Variants in RPP40 observed in about 807,000 individuals in gnomAD.
RPP40 encodes ribonuclease P/MRP subunit p40.
A neutral mutation model predicts 42.5 loss-of-function variants in RPP40; 30 were observed. The observed-to-expected ratio is 0.71, with a 90% CI of 0.53 to 0.96. RPP40 has a LOEUF of 0.96. Ranked by LOEUF, RPP40 falls within the 40% of genes least tolerant of loss-of-function variation. The pLI, the probability that RPP40 is intolerant of heterozygous loss-of-function variation, is 0.00. For synonymous variants in RPP40, 173 were observed against 164.0 expected (o/e 1.05, Z -0.42); for missense variants, 426 against 433.5 (o/e 0.98, Z 0.15).
At chr6:5,002,345 C>T (rs551685681) in intron 1 of RPP40, 100 bp from the exon 2 acceptor site, 17 of 1,029,828 alleles carry the variant, frequency 1.7e-5, no homozygotes, top group African/African-American at 3.4e-5. Context: ...TATTTCTCCA[C>T]GAGTTTCACT....
intron 2 of RPP40, among the ~76,000 whole-genome samples, chr6:5,001,607 C>A (rs1336533117): frequency 6.6e-6 from 1 of 152,146 alleles, no homozygotes; most frequent in Non-Finnish European, 1.5e-5. Flanking sequence ...TCCAACCCAG[C>A]AGATATGGGT....
chr6:4,995,126 G>A lies in RPP40; in HGVS notation c.1044C>T (p.Asp348=), dbSNP rs1057148694. 6.2e-7 allele frequency: 1 copy of A among 1,613,910 alleles called. No individual in the cohort carries two copies. Among genetic ancestry groups the A allele is most frequent in the African/African-American group, 1.3e-5 (1 of 74,932 alleles). ...LYNFVIFNNQ[D]YWLQMAVGAN... ...CCCCAACAGCCATCTGAAGCCAATA[G>A]TCCTGATTATTAAAAATCACAAAGT... The change falls in exon 8 of 8, where the codon GAC becomes GAT. Residue 348 remains aspartate (D), a synonymous_variant. Coordinates refer to ENST00000380051, the MANE Select transcript of RPP40 (RefSeq NM_006638.4).
intron 4 of RPP40, 107 bp downstream of exon 4, chr6:4,999,702 T>C: frequency 1.5e-6 from 1 of 675,764 alleles, no homozygotes; most frequent in South Asian, 1.9e-5. Context: ...CAGATTTTTT[T>C]TAAAAGGCCA....
chr6:5,002,395 T>A lies in RPP40; in HGVS notation c.124-150A>T, dbSNP rs1423418804. 3 of 655,034 alleles carry A rather than the reference T, an allele frequency of 4.6e-6. No individual in the cohort carries two copies. The African/African-American group carries it at 5.5e-5, about 12-fold the overall frequency. The allele number at this position is 655,034 out of a possible 1,614,324, so 40.6% of individuals were successfully genotyped here. A position where few individuals can be genotyped will look rare whatever the true frequency, so the allele number is the denominator to read the frequency against. On this transcript the variant is annotated intron_variant, in intron 1 of 7. Coordinates refer to ENST00000380051, the MANE Select transcript of RPP40 (RefSeq NM_006638.4). ...CGGGCAACAAAACTCTTATGTTAAC[T>A]TACCTATCTCAGGCAAAGAGAAATC...
chr6:4,988,824 A>G, the RPP40 span, among the ~76,000 whole-genome samples: 1 of 152,232 alleles, frequency 6.6e-6, no homozygotes, highest in East Asian at 1.9e-4. Context: ...ATTTCCCAGG[A>G]TAAATGCCCA....
intron 1 of RPP40, among the ~76,000 whole-genome samples, 162 bp from the exon 2 acceptor site, chr6:5,002,407 G>T (rs773048103): frequency 6.6e-6 from 1 of 152,144 alleles, no homozygotes; most frequent in Non-Finnish European, 1.5e-5. Context: ...ACCTATCTCA[G>T]GCAAAGAGAA....
chr6:5,002,856 G>A (rs1024726271), intron 1 of RPP40, among the ~76,000 whole-genome samples: 3 of 152,120 alleles, frequency 2.0e-5, no homozygotes, highest in African/African-American at 7.2e-5. Flanking sequence ...CATTGTAAAA[G>A]TCATCACTGT....
rs1759636782 is a variant in RPP40, at chr6:5,003,360, A to AAAAAG, written c.123+519_123+520insCTTTT. On this transcript the variant is annotated intron_variant, in intron 1 of 7. Transcript: ENST00000380051. ...AAACTCCGTCTAAAAAAAAAAAAAAAAAAAAAAGGAAAATCAGTCGCTTCC... is the reference window on the plus strand; with the variant it reads ...AAACTCCGTCTAAAAAAAAAAAAAAAAAAAGAAAAAAAGGAAAATCAGTCGCTTCC... 3.4e-5 allele frequency among the ~76,000 whole-genome samples: 5 copies of AAAAAG among 149,172 alleles called. 1 individual carries two copies. Among genetic ancestry groups the AAAAAG allele is most frequent in the African/African-American group, 1.3e-4 (5 of 39,930 alleles).
At position 4,994,991 on chromosome 6, in the gene RPP40, G is replaced by T; in HGVS notation, c.*87C>A. The T allele has an allele frequency of 1.7e-6, 2 of 1,157,826 alleles. No homozygotes were observed. The highest frequency in any genetic ancestry group is 1.2e-6 in the Non-Finnish European group (1 of 813,604). 71.7% of individuals were successfully genotyped at this position (1,157,826 alleles called of 1,614,324 possible). A position where few individuals can be genotyped will look rare whatever the true frequency, so the allele number is the denominator to read the frequency against. Reference sequence around the variant, plus strand: ...TCTGAGAAATGTCACCATCACACAAGCCTGAGTGGACACACAGACCTTTTA... The same window carrying T: ...TCTGAGAAATGTCACCATCACACAATCCTGAGTGGACACACAGACCTTTTA... On this transcript the variant is annotated 3_prime_UTR_variant, in exon 8 of 8. Coordinates refer to ENST00000380051, the MANE Select transcript of RPP40 (RefSeq NM_006638.4).
At chr6:4,988,808 A>C in the RPP40 span, among the ~76,000 whole-genome samples, 1 of 152,224 alleles carries the variant, frequency 6.6e-6, no homozygotes, top group Non-Finnish European at 1.5e-5. Context: ...GTGTGAACAT[A>C]AGTTCATTTC....
chr6:4,995,475 A>G (rs1759344807), intron 7 of RPP40, among the ~76,000 whole-genome samples, 199 bp from the exon 8 acceptor site: 1 of 152,222 alleles, frequency 6.6e-6, no homozygotes, highest in South Asian at 2.1e-4. Flanking sequence ...ACTAATATAC[A>G]ACACATGAAA....
At chr6:5,000,025 T>G (rs1449750594) in intron 3 of RPP40, 121 bp from the exon 4 acceptor site, 2 of 601,790 alleles carry the variant, frequency 3.3e-6, no homozygotes, top group Non-Finnish European at 6.1e-6. Context: ...TACAAGGATC[T>G]TATTTATATC....
chr6:4,989,930 G>T (rs1036648214), downstream of RPP40, among the ~76,000 whole-genome samples: 1 of 151,994 alleles, frequency 6.6e-6, no homozygotes, highest in African/African-American at 2.4e-5. Flanking sequence ...ATTTCTGTTT[G>T]TTCTCTGATT....
At chr6:4,999,962 C>A in intron 3 of RPP40, 58 bp from the exon 4 acceptor site, 11 of 1,067,464 alleles carry the variant, frequency 1.0e-5, no homozygotes, top group Non-Finnish European at 1.6e-5. Flanking sequence ...CGTTGTCTGA[C>A]TAAAAGAAAG....
chr6:4,989,071 TATC>T, the RPP40 span, among the ~76,000 whole-genome samples: 19 of 146,510 alleles, frequency 1.3e-4, no homozygotes, highest in African/African-American at 5.3e-4. Flanking sequence ...GAGTTAGTGA[TATC>T]ATGATTTTAA....
chr6:4,995,279 G>A lies in RPP40; in HGVS notation c.894-3C>T, dbSNP rs776639701. The A allele has an allele frequency of 6.5e-5, 103 of 1,595,490 alleles. No homozygotes were observed. The East Asian group carries it at 1.8e-3, about 28-fold the overall frequency. ...ACTTCGGTTCATCAAAGTAGTGACT[G>A]AAAAAAAGGTAGTTGTTAAACAGAG... On this transcript the variant is annotated splice_polypyrimidine_tract_variant and splice_region_variant and intron_variant, in intron 7 of 7. Transcript: ENST00000380051.
Position 4,998,731 on chromosome 6 carries a change from C to T in RPP40, c.544G>A (p.Ala182Thr). ...TTCCTCATACCTGTTTTATGCCAAG[C>T]CAAAAGAAAATCAAATTTCAATGGC... ...KKPLKFDFLL[A>T]WHKTGSEEST... Residue 182 changes from alanine to threonine, a missense_variant, in exon 5 of 8, where the codon GCT (alanine) becomes ACT (threonine). Ala to Thr is a moderately conservative substitution (Grantham distance 58, BLOSUM62 0). Transcript: ENST00000380051. 1 of 1,550,252 alleles carries T rather than the reference C, an allele frequency of 6.5e-7. No individual in the cohort carries two copies. The highest frequency in any genetic ancestry group is 2.0e-5 in the Admixed American group (1 of 50,238).
intron 5 of RPP40, 71 bp from the exon 6 acceptor site, chr6:4,996,491 AC>A: frequency 7.2e-7 from 1 of 1,382,998 alleles, no homozygotes; most frequent in Non-Finnish European, 1.0e-6. Flanking sequence ...GAATACCTGA[AC>A]CCACCCATTC....
chr6:4,992,467 C>T (rs577546894), downstream of RPP40, among the ~76,000 whole-genome samples: 7 of 151,748 alleles, frequency 4.6e-5, no homozygotes, highest in South Asian at 2.1e-4. Context: ...TATGGCAGTG[C>T]GAGAATTGAC....
Sources: gnomAD v4.1 joint callset for allele counts (sites outside exome capture counted in the v4.1 genomes callset) on GRCh38, gnomAD v4.1.1 for gene constraint, MANE v1.5 for transcripts, NCBI Gene and HGNC (gene_info 2026-07-23, HGNC 2026-07-21) for gene names.